Variants in PPP1R16B observed in about 807,000 individuals in gnomAD.
The protein encoded by PPP1R16B is protein phosphatase 1 regulatory subunit 16B.
A neutral mutation model predicts 61.7 loss-of-function variants in PPP1R16B; 14 were observed. The ratio of observed to expected loss-of-function variants is 0.23; its 90% CI spans 0.15 to 0.35. The LOEUF (loss-of-function observed/expected upper bound fraction) is 0.35. PPP1R16B is among the 10% of genes least tolerant of loss of function. The probability of loss-of-function intolerance (pLI) is 1.00; values close to 1 mark genes in which losing one functional copy is unlikely to be tolerated. For missense variants in PPP1R16B, 547 were observed against 752.5 expected, an observed-to-expected ratio of 0.73 and a Z score of 3.19; for synonymous variants, 266 against 305.3, an observed-to-expected ratio of 0.87 and a Z score of 1.34.
In PPP1R16B at chr20:38,920,355, T is replaced by C. The variant is rs1303904794; in HGVS notation, c.*1689T>C. On this transcript the variant is annotated 3_prime_UTR_variant, in exon 11 of 11. Coordinates refer to ENST00000299824, the MANE Select transcript of PPP1R16B (RefSeq NM_015568.4). ...TGAAGGGGTCTCCTAGTTCCAGATTTTAATTTGGGGAACAGATCTGGGTTC... is the reference window on the plus strand; with the variant it reads ...TGAAGGGGTCTCCTAGTTCCAGATTCTAATTTGGGGAACAGATCTGGGTTC... The C allele has an allele frequency of 6.5e-6, 1 of 152,720 alleles. No individual in the cohort carries two copies. Among genetic ancestry groups the C allele is most frequent in the East Asian group, 1.9e-4 (1 of 5,200 alleles). 9.5% of individuals were successfully genotyped at this position (152,720 alleles called of 1,614,324 possible). A position where few individuals can be genotyped will look rare whatever the true frequency, so the allele number is the denominator to read the frequency against.
At chr20:38,910,908 T>A (rs915887218) in intron 10 of PPP1R16B, among the ~76,000 whole-genome samples, 2 of 151,666 alleles carry the variant, frequency 1.3e-5, no homozygotes, top group Non-Finnish European at 2.9e-5. Flanking sequence ...GGCAGGAAAA[T>A]CACTTGAACC....
intron 1 of PPP1R16B, among the ~76,000 whole-genome samples, chr20:38,811,384 GA>G (rs1431542733): frequency 2.0e-5 from 3 of 152,086 alleles, no homozygotes; most frequent in Non-Finnish European, 4.4e-5. Context: ...TCACTTCCTT[GA>G]ACCTTAATTT....
At chr20:38,862,972 AG>A (rs757817148) in intron 2 of PPP1R16B, among the ~76,000 whole-genome samples, 122 of 152,200 alleles carry the variant, frequency 8.0e-4, no homozygotes, top group Non-Finnish European at 1.3e-3. Context: ...GTCTATATGA[AG>A]GAGTGGGCTT....
chr20:38,831,694 C>T (rs1368720200), intron 1 of PPP1R16B, among the ~76,000 whole-genome samples: 2 of 152,150 alleles, frequency 1.3e-5, no homozygotes, highest in African/African-American at 4.8e-5. Flanking sequence ...GGCCCCATAC[C>T]AAGATGTTCT....
At chr20:38,870,817 C>T (rs1434857341) in intron 2 of PPP1R16B, among the ~76,000 whole-genome samples, 3 of 152,156 alleles carry the variant, frequency 2.0e-5, no homozygotes, top group Non-Finnish European at 4.4e-5. Flanking sequence ...TATTGTGGCT[C>T]ATTCTAGTGT....
intron 2 of PPP1R16B, among the ~76,000 whole-genome samples, chr20:38,888,651 C>G (rs2085265005): frequency 6.6e-6 from 1 of 152,044 alleles, no homozygotes; most frequent in African/African-American, 2.4e-5. Context: ...GAGCTGGGGT[C>G]CCAGTTGCCA....
chr20:38,884,606 A>T (rs1026515683), intron 2 of PPP1R16B, among the ~76,000 whole-genome samples: 4 of 152,214 alleles, frequency 2.6e-5, no homozygotes, highest in Non-Finnish European at 5.9e-5. Context: ...GTCAGTCCCA[A>T]TGAAGGTCAT....
intron 4 of PPP1R16B, among the ~76,000 whole-genome samples, chr20:38,897,752 A>G (rs569751444): frequency 1.3e-5 from 2 of 152,110 alleles, no homozygotes; most frequent in Non-Finnish European, 2.9e-5. Context: ...CCTCACCAAC[A>G]CTTGCTATTT....
chr20:38,853,058 C>T (rs967268035), intron 2 of PPP1R16B, among the ~76,000 whole-genome samples: 1 of 152,056 alleles, frequency 6.6e-6, no homozygotes, highest in African/African-American at 2.4e-5. Context: ...AGGCATGACC[C>T]ATTGCGCCCG....
intron 1 of PPP1R16B, among the ~76,000 whole-genome samples, chr20:38,825,707 T>G (rs780145113): frequency 4.6e-5 from 7 of 152,188 alleles, no homozygotes; most frequent in African/African-American, 1.7e-4. Context: ...ATTCTGGGAT[T>G]TGAAGGGCCT....
At chr20:38,910,721 G>A (rs186649181) in intron 10 of PPP1R16B, among the ~76,000 whole-genome samples, 21 of 152,076 alleles carry the variant, frequency 1.4e-4, no homozygotes, top group Middle Eastern at 3.4e-3. Flanking sequence ...TTTTTGGCTG[G>A]GTGCCGTGGC....
chr20:38,849,845 G>A (rs1040650529), intron 2 of PPP1R16B, among the ~76,000 whole-genome samples: 4 of 152,082 alleles, frequency 2.6e-5, no homozygotes, highest in African/African-American at 7.2e-5. Flanking sequence ...CTGGACACAC[G>A]GTTGATTTTT....
intron 1 of PPP1R16B, among the ~76,000 whole-genome samples, chr20:38,823,278 C>T (rs1351901787): frequency 6.6e-6 from 1 of 152,188 alleles, no homozygotes; most frequent in Non-Finnish European, 1.5e-5. Flanking sequence ...AGTTTCATCT[C>T]TCAGACAGGA....
At chr20:38,899,662 T>C (rs186858739) in intron 4 of PPP1R16B, among the ~76,000 whole-genome samples, 281 of 152,318 alleles carry the variant, frequency 1.8e-3, no homozygotes, top group African/African-American at 6.4e-3. Flanking sequence ...ACTGAGGATG[T>C]TTCTGCATAT....
chr20:38,818,379 G>C (rs2084752710), intron 1 of PPP1R16B, among the ~76,000 whole-genome samples: 1 of 152,156 alleles, frequency 6.6e-6, no homozygotes, highest in Non-Finnish European at 1.5e-5. Context: ...TATTTAGTGA[G>C]TTGGGGGAGG....
At chr20:38,811,917 G>T (rs568602619) in intron 1 of PPP1R16B, among the ~76,000 whole-genome samples, 1 of 152,208 alleles carries the variant, frequency 6.6e-6, no homozygotes, top group Non-Finnish European at 1.5e-5. Context: ...CCGTGACTGT[G>T]TCCAATTCAT....
intron 2 of PPP1R16B, among the ~76,000 whole-genome samples, chr20:38,854,785 T>G (rs4812321): frequency 0.66 from 100,392 of 151,508 alleles, 33,676 homozygotes; most frequent in African/African-American, 0.77. Context: ...CACGGTCAGT[T>G]TGGCTGTTAC....
intron 10 of PPP1R16B, among the ~76,000 whole-genome samples, chr20:38,916,664 A>G (rs1473412652): frequency 6.6e-6 from 1 of 151,846 alleles, no homozygotes; most frequent in African/African-American, 2.4e-5. Context: ...TATCATTATT[A>G]TTGTTTTTAT....
intron 1 of PPP1R16B, among the ~76,000 whole-genome samples, chr20:38,809,966 C>T (rs1397972760): frequency 1.0e-5 from 1 of 99,306 alleles, no homozygotes; most frequent in Non-Finnish European, 1.8e-5. Context: ...GCCTGGGCAA[C>T]AGAGTAAGAC....
Sources: allele counts gnomAD v4.1 joint callset (sites outside exome capture counted in the v4.1 genomes callset), GRCh38; gene constraint gnomAD v4.1.1; transcripts MANE v1.5; gene names NCBI Gene and HGNC (gene_info 2026-07-23, HGNC 2026-07-21).